MTERF4: variants seen among roughly 807,000 people sequenced by gnomAD.
MTERF4 encodes mitochondrial transcription termination factor 4.
A neutral mutation model predicts 22.5 loss-of-function variants in MTERF4; 17 were observed. The observed-to-expected ratio is 0.75, with a 90% confidence interval of 0.52 to 1.13. The LOEUF is 1.13. Among genes scored for constraint, MTERF4 ranks in the 50% most tolerant of loss-of-function variants. MTERF4 has a pLI of 0.00. For synonymous variants in MTERF4, 165 were observed against 175.3 expected, an observed-to-expected ratio of 0.94 and a Z score of 0.47; for missense variants, 420 against 466.8, an observed-to-expected ratio of 0.90 and a Z score of 0.92.
downstream of MTERF4, chr2:241,094,650 A>G (rs2064272104): frequency 3.0e-6 from 1 of 329,810 alleles, no homozygotes; most frequent in Admixed American, 4.2e-5. This position sits in a 1 kb window ranked among gnomAD's most constrained non-coding sequence, Gnocchi z 4.3. Context: ...ACCAGGCCTT[A>G]GATGAGTTTC....
At chr2:241,083,740 A>G (rs180995108), downstream of MTERF4, among the ~76,000 whole-genome samples, 21 of 152,280 alleles carry the variant, frequency 1.4e-4, no homozygotes, top group African/African-American at 4.1e-4. Context: ...CTATCCTTTC[A>G]CTTTTAACCT....
chr2:241,081,575 G>A, intron 4 of MTERF4: 2 of 846,904 alleles, frequency 2.4e-6, no homozygotes, highest in Admixed American at 2.1e-5. Flanking sequence ...GGAGTGCACG[G>A]CCACCCTGCA....
At chr2:241,066,437 G>A in the MTERF4 span, among the ~76,000 whole-genome samples, 1 of 152,214 alleles carries the variant, frequency 6.6e-6, no homozygotes, top group South Asian at 2.1e-4. Context: ...GGCCGCATCA[G>A]CTAGAGCACA....
chr2:241,089,505 G>A (rs918630050), downstream of MTERF4: 50 of 1,409,858 alleles, frequency 3.5e-5, no homozygotes, highest in African/African-American at 8.7e-5. Context: ...CCGGAGCTCC[G>A]CACATGGCAG....
downstream of MTERF4, chr2:241,071,328 G>C: frequency 1.7e-6 from 1 of 580,948 alleles, no homozygotes; most frequent in East Asian, 2.8e-5. Context: ...ATGACTCCCA[G>C]GCCAGTGCAC....
rs1215477642 is a variant in MTERF4, at chr2:241,095,945, G to A, written c.*53C>T. The A allele has an allele frequency of 1.3e-6, 2 of 1,559,160 alleles. No individual in the cohort carries two copies. The highest frequency in any genetic ancestry group is 1.7e-6 in the Non-Finnish European group (2 of 1,154,160). ...AAGGACCCAAAAGCTTTAAGAGAAT[G>A]AAAAGCTTCCTTGATATCTCTGGGC... On this transcript the variant is annotated 3_prime_UTR_variant, in exon 4 of 4. Transcript: ENST00000391980.
At chr2:241,062,230 G>A in the MTERF4 span, among the ~76,000 whole-genome samples, 1 of 152,144 alleles carries the variant, frequency 6.6e-6, no homozygotes, top group African/African-American at 2.4e-5. Flanking sequence ...AAGGGTACAC[G>A]GTCGGATGAG....
downstream of MTERF4, chr2:241,087,434 A>C: frequency 1.2e-6 from 2 of 1,604,744 alleles, no homozygotes; most frequent in Non-Finnish European, 1.7e-6. Context: ...TCTGCTTCAA[A>C]GAGAGCTGTG....
chr2:241,062,924 C>T, the MTERF4 span: 28 of 1,487,258 alleles, frequency 1.9e-5, no homozygotes, highest in East Asian at 4.7e-5. Flanking sequence ...GCCCTGGCCC[C>T]GCTGGGGTGA....
At chr2:241,065,071 C>G in the MTERF4 span, 1 of 900,914 alleles carries the variant, frequency 1.1e-6, no homozygotes, top group Non-Finnish European at 1.6e-6. Flanking sequence ...AGGCCCCTTC[C>G]CTGAGGAACA....
rs370439975 is a variant in MTERF4, at chr2:241,099,806, G to A, written c.110C>T (p.Ala37Val). The change falls in exon 2 of 4, where the codon GCT (alanine) becomes GTT (valine). Residue 37 changes from alanine (A) to valine (V), a missense_variant. Transcript: ENST00000391980. ...PHLGEQRRTT[A>V]SLLRKLTTAS... ...TGTAGTCAGTTTGCGCAACAAAGAA[G>A]CTGTCGTCCTTCTCTGTTCTCCAAG... The A allele has an allele frequency of 3.4e-5, 55 of 1,614,028 alleles. 1 individual carries two copies. Among genetic ancestry groups the A allele is most frequent in the Admixed American group, 1.8e-4 (11 of 60,012 alleles).
At chr2:241,101,622 G>T (rs2064711872) in intron 1 of MTERF4, among the ~76,000 whole-genome samples, 1 of 152,160 alleles carries the variant, frequency 6.6e-6, no homozygotes, top group Admixed American at 6.5e-5. Flanking sequence ...CCTCCGCCAG[G>T]AACACCTGGC....
At chr2:241,080,875 A>T (rs1280791423) in intron 4 of MTERF4, among the ~76,000 whole-genome samples, 5 of 152,226 alleles carry the variant, frequency 3.3e-5, no homozygotes, top group Admixed American at 3.3e-4. Context: ...ACCACGGGGT[A>T]GGTGAGGGAA....
chr2:241,102,153 C>T, intron 1 of MTERF4, 100 bp downstream of exon 1: 1 of 1,519,372 alleles, frequency 6.6e-7, no homozygotes, highest in Non-Finnish European at 8.9e-7. Context: ...CGGGAGGGCT[C>T]CACGACCTGG....
At chr2:241,071,811 G>A (rs1559296412), downstream of MTERF4, 1 of 1,599,318 alleles carries the variant, frequency 6.3e-7, no homozygotes, top group Non-Finnish European at 8.5e-7. Flanking sequence ...CGGAGCTTGT[G>A]GACGGCAGAG....
chr2:241,095,099 A>AT (rs959990158), downstream of MTERF4: 3 of 125,608 alleles, frequency 2.4e-5, no homozygotes, highest in Middle Eastern at 5.2e-3. Flanking sequence ...GGGGTCACGG[A>AT]TTGCTCCCTG....
the MTERF4 span, among the ~76,000 whole-genome samples, chr2:241,066,425 C>A: frequency 6.6e-6 from 1 of 152,170 alleles, no homozygotes; most frequent in African/African-American, 2.4e-5. Flanking sequence ...TCCACGGAGC[C>A]CGGCCGCATC....
At chr2:241,088,487 C>T (rs910814106), downstream of MTERF4, 6 of 1,099,228 alleles carry the variant, frequency 5.5e-6, no homozygotes, top group Admixed American at 1.7e-5. Flanking sequence ...CTCAGAGTGC[C>T]GCTGCCTGCT....
chr2:241,099,540 C>A lies in MTERF4; in HGVS notation c.376G>T (p.Asp126Tyr). 1 of 1,614,190 alleles carries A rather than the reference C, an allele frequency of 6.2e-7. No individual in the cohort carries two copies. The highest frequency in any genetic ancestry group is 8.5e-7 in the Non-Finnish European group (1 of 1,180,038). The change falls in exon 2 of 4, where the codon GAC (aspartate) becomes TAC (tyrosine). Residue 126 changes from aspartate (D) to tyrosine (Y), a missense_variant. Coordinates refer to ENST00000391980, the MANE Select transcript of MTERF4 (RefSeq NM_182501.4). ...AAGAGAATAAATTCTGAAATGATGT[C>A]CAGCAACTGTTGAAGACTGGCACCT... ...RRGASLQQLL[D>Y]IISEFILLGL...
Sources: allele counts gnomAD v4.1 joint callset (sites outside exome capture counted in the v4.1 genomes callset), GRCh38; gene constraint gnomAD v4.1.1; non-coding constraint Gnocchi (gnomAD v3.1); transcripts MANE v1.5; gene names NCBI Gene and HGNC (gene_info 2026-07-23, HGNC 2026-07-21).